Variants in SLC8A1 observed in about 807,000 individuals in gnomAD.
The protein encoded by SLC8A1 is solute carrier family 8 member A1.
In SLC8A1, 18 loss-of-function variants were observed where a neutral mutation model predicts 68.3. The observed-to-expected ratio is 0.26, with a 90% CI of 0.18 to 0.39. SLC8A1 has a LOEUF of 0.39. Among genes scored for constraint, SLC8A1 ranks in the 10% least tolerant of loss-of-function variants. The probability of loss-of-function intolerance (pLI) is 1.00; values close to 1 mark genes in which losing one functional copy is unlikely to be tolerated. For synonymous variants in SLC8A1, 475 were observed against 415.5 expected, an observed-to-expected ratio of 1.14 and a Z score of -1.74; for missense variants, 985 against 1,156.7, an observed-to-expected ratio of 0.85 and a Z score of 2.15.
chr2:40,342,466 A>G (rs982698265), intron 2 of SLC8A1, among the ~76,000 whole-genome samples: 1 of 152,066 alleles, frequency 6.6e-6, no homozygotes, highest in South Asian at 2.1e-4. Context: ...ATGGTAGAAT[A>G]TATTCTGATA....
At chr2:40,301,073 G>A (rs1372662193) in intron 2 of SLC8A1, among the ~76,000 whole-genome samples, 3 of 152,174 alleles carry the variant, frequency 2.0e-5, no homozygotes, top group Non-Finnish European at 4.4e-5. Flanking sequence ...TCAGAGGGCT[G>A]AAGATAGGTG....
At chr2:40,295,109 T>A (rs1036747247) in intron 2 of SLC8A1, among the ~76,000 whole-genome samples, 5 of 148,466 alleles carry the variant, frequency 3.4e-5, no homozygotes, top group African/African-American at 1.3e-4. Flanking sequence ...ATTATTATTT[T>A]TTTTTTTTGA....
At chr2:40,394,643 C>A (rs558357276) in intron 2 of SLC8A1, among the ~76,000 whole-genome samples, 3 of 152,044 alleles carry the variant, frequency 2.0e-5, no homozygotes, top group Non-Finnish European at 4.4e-5. Context: ...CTATCTTCCT[C>A]TTTAGAGAAC....
chr2:40,446,015 A>T (rs953075268), intron 1 of SLC8A1, among the ~76,000 whole-genome samples: 2 of 152,198 alleles, frequency 1.3e-5, no homozygotes, highest in Admixed American at 6.5e-5. Context: ...AGAGAACCAA[A>T]GGGTGGCCCT....
chr2:40,257,253 C>T (rs961295830), intron 2 of SLC8A1, among the ~76,000 whole-genome samples: 2 of 152,170 alleles, frequency 1.3e-5, no homozygotes, highest in African/African-American at 2.4e-5. Flanking sequence ...TCTTAGCTCA[C>T]TGTCGTACTC....
chr2:40,356,524 G>GA (rs572813358), intron 2 of SLC8A1, among the ~76,000 whole-genome samples: 157 of 135,104 alleles, frequency 1.2e-3, no homozygotes, highest in Non-Finnish European at 2.0e-3. Context: ...AAGATACCAA[G>GA]AAAAAAAAAA....
intron 2 of SLC8A1, among the ~76,000 whole-genome samples, chr2:40,380,640 G>T (rs576829988): frequency 6.6e-6 from 1 of 152,054 alleles, no homozygotes; most frequent in Non-Finnish European, 1.5e-5. Flanking sequence ...AAATAAAGTA[G>T]CTTACGGCAA....
intron 2 of SLC8A1, among the ~76,000 whole-genome samples, chr2:40,426,492 A>G (rs568143005): frequency 3.3e-5 from 5 of 152,000 alleles, no homozygotes; most frequent in African/African-American, 1.2e-4. Flanking sequence ...ATCAATGTCA[A>G]TCCTTTTTAA....
intron 2 of SLC8A1, among the ~76,000 whole-genome samples, chr2:40,284,765 T>C (rs2068046551): frequency 6.6e-6 from 1 of 151,902 alleles, no homozygotes. Flanking sequence ...ATGAAGTTTG[T>C]CTTAGAAATG....
chr2:40,238,426 C>T (rs1009909273), intron 2 of SLC8A1, among the ~76,000 whole-genome samples: 7 of 93,310 alleles, frequency 7.5e-5, no homozygotes, highest in South Asian at 8.9e-4. Flanking sequence ...TGACCCCTTG[C>T]ACTTCCCAAG....
chr2:40,497,192 T>A (rs1431071084), intron 1 of SLC8A1, among the ~76,000 whole-genome samples: 1 of 152,174 alleles, frequency 6.6e-6, no homozygotes, highest in East Asian at 1.9e-4. Context: ...AAAGACCTCC[T>A]GCTTGGGGCA....
At chr2:40,506,293 C>G (rs1392774176) in intron 1 of SLC8A1, among the ~76,000 whole-genome samples, 1 of 151,754 alleles carries the variant, frequency 6.6e-6, no homozygotes, top group African/African-American at 2.4e-5. Flanking sequence ...ATACAATTAT[C>G]CAGTAATTTG....
At chr2:40,428,550 G>A (rs144620973) in exon 2 of SLC8A1, 11 of 1,613,362 alleles carry the variant, frequency 6.8e-6, no homozygotes, top group Admixed American at 1.7e-5. Flanking sequence ...CAGTCCCTTC[G>A]ATGGTTTTAT....
intron 6 of SLC8A1, among the ~76,000 whole-genome samples, chr2:40,146,072 C>T (rs1469297522): frequency 6.6e-6 from 1 of 152,184 alleles, no homozygotes. Flanking sequence ...ATGTCAACAA[C>T]TTTTCTTCTA....
At chr2:40,401,663 C>T (rs1472853282) in intron 2 of SLC8A1, among the ~76,000 whole-genome samples, 3 of 144,966 alleles carry the variant, frequency 2.1e-5, no homozygotes, top group African/African-American at 7.7e-5. Context: ...AAAAAAAGTT[C>T]CCCAAAGTCA....
At chr2:40,242,317 TA>T (rs1213676217) in intron 2 of SLC8A1, among the ~76,000 whole-genome samples, 7 of 152,166 alleles carry the variant, frequency 4.6e-5, no homozygotes, top group African/African-American at 1.7e-4. Flanking sequence ...AACTAAAACA[TA>T]AAGATAAAAG....
chr2:40,304,501 C>G (rs1404989806), intron 2 of SLC8A1, among the ~76,000 whole-genome samples: 2 of 152,148 alleles, frequency 1.3e-5, no homozygotes, highest in Admixed American at 6.5e-5. Flanking sequence ...AATGAACAGC[C>G]TGTAGCCAGT....
At chr2:40,223,639 A>G (rs557412507) in intron 2 of SLC8A1, 1 of 152,150 alleles carries the variant, frequency 6.6e-6, no homozygotes, top group African/African-American at 2.4e-5. Context: ...GGTTTTGGAA[A>G]TCACTAGTGG....
intron 4 of SLC8A1, among the ~76,000 whole-genome samples, chr2:40,168,709 T>C (rs551745471): frequency 2.6e-5 from 4 of 152,364 alleles, no homozygotes; most frequent in African/African-American, 9.6e-5. Flanking sequence ...AAGCAGATCA[T>C]TTTACTATGG....
Sources: allele counts gnomAD v4.1 joint callset (sites outside exome capture counted in the v4.1 genomes callset), GRCh38; gene constraint gnomAD v4.1.1; transcripts MANE v1.5; gene names NCBI Gene and HGNC (gene_info 2026-07-23, HGNC 2026-07-21).